RGPD1: variants seen among roughly 807,000 people sequenced by gnomAD.
The protein encoded by RGPD1 is RANBP2 like and GRIP domain containing 1.
Under a neutral mutation model 40.6 loss-of-function variants are expected in RGPD1, and 7 were observed. The observed-to-expected ratio is 0.17, with a 90% CI of 0.10 to 0.32. The LOEUF (loss-of-function observed/expected upper bound fraction) is 0.32, where lower values mean the gene tolerates loss of function less well. RGPD1 is among the 10% of genes least tolerant of loss of function. The probability of loss-of-function intolerance (pLI) is 1.00; values close to 1 mark genes in which losing one functional copy is unlikely to be tolerated. For missense variants in RGPD1, 50 were observed against 472.5 expected (o/e 0.11, Z 8.29); for synonymous variants, 24 against 167.0 (o/e 0.14, Z 6.60).
intron 1 of RGPD1, among the ~76,000 whole-genome samples, chr2:86,945,642 CT>C (rs1253822140): frequency 6.6e-6 from 1 of 152,136 alleles, no homozygotes; most frequent in Non-Finnish European, 1.5e-5. Context: ...TAAAAATATT[CT>C]TCGTCTGTAA....
Position 86,931,987 on chromosome 2 carries a change from T to A in RGPD1, c.72+18066T>A, listed in dbSNP as rs181304117. On this transcript the variant is annotated intron_variant, in intron 1 of 22. Transcript: ENST00000398193. The stretch of plus-strand genomic sequence containing the variant: ...TATATATTTATATATAATATTCATA[T>A]TATATATATATGTCTATAACATATA... 5.8e-3 allele frequency among the ~76,000 whole-genome samples: 858 copies of A among 147,904 alleles called. 1 individual carries two copies. The highest frequency in any genetic ancestry group is 0.02 in the African/African-American group (810 of 40,678).
chr2:86,997,119 C>G (rs1681810359), intron 21 of RGPD1, among the ~76,000 whole-genome samples: 2 of 149,460 alleles, frequency 1.3e-5, no homozygotes, highest in Non-Finnish European at 2.9e-5. Context: ...AGCTGCTGGA[C>G]TGACTCATTT....
chr2:86,944,104 C>T (rs1441888353), intron 1 of RGPD1, among the ~76,000 whole-genome samples: 2 of 152,020 alleles, frequency 1.3e-5, no homozygotes, highest in Non-Finnish European at 2.9e-5. Context: ...ACTAAGCATA[C>T]GTTATCTTAT....
rs371724547 is a variant in RGPD1 at position 87,013,526 on chromosome 2, T to C, written c.*979T>C. Reference sequence around the variant, plus strand: ...TACATGATGAGACAGAGTAAGAGAATGGGGAAAGGGTTTTTAGATGGGGGA... The same window carrying C: ...TACATGATGAGACAGAGTAAGAGAACGGGGAAAGGGTTTTTAGATGGGGGA... On this transcript the variant is annotated 3_prime_UTR_variant, in exon 23 of 23. Coordinates refer to ENST00000641458, the MANE Select transcript of RGPD1 (RefSeq NM_001382344.1). 2 of 109,702 alleles carry C rather than the reference T, an allele frequency of 1.8e-5. No individual in the cohort carries two copies. The highest frequency in any genetic ancestry group is 2.8e-4 in the South Asian group (1 of 3,592). The allele number at this position is 109,702 out of a possible 1,614,324, so 6.8% of individuals were successfully genotyped here.
At chr2:86,941,566 A>G (rs1352795635), upstream of RGPD1, among the ~76,000 whole-genome samples, 1 of 151,008 alleles carries the variant, frequency 6.6e-6, no homozygotes, top group Non-Finnish European at 1.5e-5. Context: ...CTATATACAC[A>G]GTTGACCCTT....
At chr2:86,938,652 G>A (rs1255470953), upstream of RGPD1, among the ~76,000 whole-genome samples, 2 of 150,798 alleles carry the variant, frequency 1.3e-5, no homozygotes, top group East Asian at 3.9e-4. Context: ...ATTTTGTCAT[G>A]CTTTAAGGCC....
chr2:86,923,704 CA>C (rs1462249498), intron 1 of RGPD1, among the ~76,000 whole-genome samples: 14 of 106,364 alleles, frequency 1.3e-4, no homozygotes, highest in Non-Finnish European at 2.6e-4. Flanking sequence ...AGGGTTTCAC[CA>C]TGTTGGTCAG....
chr2:86,989,292 AG>A (rs1305246641), intron 20 of RGPD1, among the ~76,000 whole-genome samples: 1 of 76,246 alleles, frequency 1.3e-5, no homozygotes, highest in Non-Finnish European at 2.7e-5. Flanking sequence ...CTTCAAGAAC[AG>A]GTTAGGGAAG....
chr2:86,932,284 C>T (rs1360259041), intron 1 of RGPD1, among the ~76,000 whole-genome samples: 1 of 86,040 alleles, frequency 1.2e-5, no homozygotes, highest in Non-Finnish European at 2.3e-5. Flanking sequence ...TCTTACGTGA[C>T]ACTTGTCTAA....
chr2:86,925,766 T>C (rs2104686865), intron 1 of RGPD1, among the ~76,000 whole-genome samples: 1 of 152,094 alleles, frequency 6.6e-6, no homozygotes, highest in Middle Eastern at 3.4e-3. Context: ...AAATAGAGTC[T>C]CGCTGTATGC....
chr2:86,924,451 G>A (rs1415606924), intron 1 of RGPD1, among the ~76,000 whole-genome samples: 1 of 149,946 alleles, frequency 6.7e-6, no homozygotes, highest in African/African-American at 2.4e-5. Flanking sequence ...CACCATGCCC[G>A]GCCCGTGGAC....
At chr2:86,918,453 C>CTTTTTTTTTTTTTTTTTTTTTTTTTTTTT in intron 1 of RGPD1, among the ~76,000 whole-genome samples, 1 of 78,112 alleles carries the variant, frequency 1.3e-5, no homozygotes, top group Non-Finnish European at 2.3e-5. Flanking sequence ...CACACCAAAT[C>CTTTTTTTTTTTTTTTTTTTTTTTTTTTTT]TTTTTTTTTT....
rs1018748661 is a variant in RGPD1, at chr2:86,930,517, C to T, written c.72+16596C>T. ...TGCTGTTGTTGCAGCCTGAGTTTAG[C>T]TCGTCGGTGGCGGAAGGCCCAACAG... is the stretch of plus-strand genomic sequence containing the variant. On this transcript the variant is annotated intron_variant, in intron 1 of 22. Transcript: ENST00000398193. 4 of 1,551,016 alleles carry T rather than the reference C, an allele frequency of 2.6e-6. No individual in the cohort carries two copies. The African/African-American group carries it at 5.5e-5, about 21-fold the overall frequency.
At chr2:86,923,400 A>C (rs531609527) in intron 1 of RGPD1, among the ~76,000 whole-genome samples, 2 of 151,804 alleles carry the variant, frequency 1.3e-5, no homozygotes, top group South Asian at 2.1e-4. Flanking sequence ...GTAATTTACA[A>C]AAATGAAATA....
intron 1 of RGPD1, among the ~76,000 whole-genome samples, chr2:86,945,260 A>G (rs1680262446): frequency 6.6e-6 from 1 of 152,084 alleles, no homozygotes; most frequent in Admixed American, 6.5e-5. Flanking sequence ...CCCAAATTTA[A>G]AGTCATTTAC....
At chr2:86,928,708 G>C (rs111453091) in intron 1 of RGPD1, among the ~76,000 whole-genome samples, 10 of 152,318 alleles carry the variant, frequency 6.6e-5, no homozygotes, top group East Asian at 3.9e-4. Flanking sequence ...AGGACTTGAC[G>C]AAAGGCATTG....
chr2:86,920,114 G>A (rs1242873751), intron 1 of RGPD1, among the ~76,000 whole-genome samples: 1 of 151,872 alleles, frequency 6.6e-6, no homozygotes, highest in Non-Finnish European at 1.5e-5. Context: ...CTGTCGTCTA[G>A]GCTGGAATGC....
At chr2:86,945,360 G>A (rs1322893643) in intron 1 of RGPD1, among the ~76,000 whole-genome samples, 1 of 152,102 alleles carries the variant, frequency 6.6e-6, no homozygotes, top group East Asian at 1.9e-4. Flanking sequence ...AGGTTTGAGT[G>A]AAATGACAAA....
upstream of RGPD1, among the ~76,000 whole-genome samples, chr2:86,937,231 G>A (rs1679415308): frequency 2.2e-5 from 2 of 89,902 alleles, 1 homozygote; most frequent in Admixed American, 1.8e-4. Flanking sequence ...GGCATTAGAA[G>A]ACTGAGACAA....
Sources: allele counts gnomAD v4.1 joint callset (sites outside exome capture counted in the v4.1 genomes callset), GRCh38; gene constraint gnomAD v4.1.1; transcripts MANE v1.5; gene names NCBI Gene and HGNC (gene_info 2026-07-23, HGNC 2026-07-21).